The following ELOC variants were observed in gnomAD, a reference collection of about 807,000 sequenced individuals.
The protein encoded by ELOC is elongin C, also known as elongin-C.
For missense variants in ELOC, 38 were observed against 139.0 expected (o/e 0.27, Z 3.65); for synonymous variants, 40 against 51.3 (o/e 0.78, Z 0.94).
chr8:73,959,968 CT>C (rs1432100199), intron 1 of ELOC, 150 bp from the exon 2 acceptor site: 5 of 416,716 alleles, frequency 1.2e-5, no homozygotes, highest in African/African-American at 1.0e-4. Context: ...AAACACTGTA[CT>C]TTTATAAAAT....
At chr8:73,958,336 CTTATG>C (rs1451048355) in intron 2 of ELOC, among the ~76,000 whole-genome samples, 2 of 152,044 alleles carry the variant, frequency 1.3e-5, no homozygotes, top group Non-Finnish European at 2.9e-5. Context: ...ATGTCATCAT[CTTATG>C]TTATGTAATA....
intron 3 of ELOC, among the ~76,000 whole-genome samples, chr8:73,951,101 T>C (rs1813726531): frequency 6.6e-6 from 1 of 151,836 alleles, no homozygotes; most frequent in South Asian, 2.1e-4. Flanking sequence ...TGAAACCCCA[T>C]CTCTACTAAA....
At chr8:73,949,338 T>G (rs1442371805) in intron 3 of ELOC, among the ~76,000 whole-genome samples, 3 of 152,226 alleles carry the variant, frequency 2.0e-5, no homozygotes, top group Non-Finnish European at 4.4e-5. Flanking sequence ...CTGAAAATAT[T>G]GCCTATAGGC....
chr8:73,958,718 A>G (rs1814379555), intron 2 of ELOC, among the ~76,000 whole-genome samples: 1 of 152,360 alleles, frequency 6.6e-6, no homozygotes, highest in East Asian at 1.9e-4. Flanking sequence ...GGAGAGTTTC[A>G]AATTTCTTAA....
intron 3 of ELOC, among the ~76,000 whole-genome samples, chr8:73,955,033 CG>C (rs1210511376): frequency 6.8e-4 from 48 of 71,024 alleles, no homozygotes; most frequent in African/African-American, 2.5e-3. Context: ...GACTCCATCT[CG>C]GAAAAAAAAA....
chr8:73,972,045 G>A (rs1328333669), intron 1 of ELOC, 32 bp downstream of exon 1: 2 of 152,400 alleles, frequency 1.3e-5, no homozygotes, highest in Non-Finnish European at 2.9e-5. Flanking sequence ...CCCTTACCCG[G>A]AGCTCCGTTT....
chr8:73,966,810 A>G (rs1296755040), intron 1 of ELOC, among the ~76,000 whole-genome samples: 1 of 152,014 alleles, frequency 6.6e-6, no homozygotes, highest in Non-Finnish European at 1.5e-5. Context: ...ATAATAGTAA[A>G]CAACACTACA....
chr8:73,951,706 C>T (rs1327600984), intron 3 of ELOC, among the ~76,000 whole-genome samples: 2 of 152,038 alleles, frequency 1.3e-5, no homozygotes, highest in Non-Finnish European at 2.9e-5. Context: ...CCAGAAAGAG[C>T]TGCAAGGGAT....
At chr8:73,962,450 T>C (rs959237035) in intron 1 of ELOC, among the ~76,000 whole-genome samples, 3 of 152,152 alleles carry the variant, frequency 2.0e-5, no homozygotes, top group South Asian at 2.1e-4. Context: ...AATCCTCAAA[T>C]AGTTCTCTAA....
intron 1 of ELOC, among the ~76,000 whole-genome samples, chr8:73,970,209 T>A (rs1397057837): frequency 6.6e-6 from 1 of 152,158 alleles, no homozygotes; most frequent in Non-Finnish European, 1.5e-5. Flanking sequence ...GCTACTGCAC[T>A]CCAGCCTGGG....
intron 3 of ELOC, among the ~76,000 whole-genome samples, chr8:73,950,668 TA>T (rs1399877738): frequency 6.6e-6 from 1 of 152,212 alleles, no homozygotes; most frequent in East Asian, 1.9e-4. Context: ...TTGACACTGC[TA>T]AAAGACATGA....
chr8:73,947,617 A>C (rs565044835), intron 3 of ELOC, among the ~76,000 whole-genome samples: 1 of 152,086 alleles, frequency 6.6e-6, no homozygotes, highest in East Asian at 2.0e-4. Context: ...TCTGTTGCCC[A>C]GGCTGGAGTG....
At chr8:73,958,793 C>T (rs184997563) in intron 2 of ELOC, among the ~76,000 whole-genome samples, 22 of 152,208 alleles carry the variant, frequency 1.4e-4, no homozygotes, top group Admixed American at 1.2e-3. Flanking sequence ...ATCTGCCTGT[C>T]GGGAATATAT....
intron 3 of ELOC, chr8:73,955,467 G>A (rs1381500393): frequency 1.3e-5 from 2 of 157,344 alleles, no homozygotes; most frequent in Non-Finnish European, 2.8e-5. Context: ...TTAGCCAGGC[G>A]TGGTGGCAGG....
intron 1 of ELOC, among the ~76,000 whole-genome samples, chr8:73,965,350 T>C (rs1326737443): frequency 6.6e-6 from 1 of 152,176 alleles, no homozygotes; most frequent in African/African-American, 2.4e-5. Context: ...GGAGAGGATG[T>C]GGAGCAAATG....
intron 3 of ELOC, among the ~76,000 whole-genome samples, chr8:73,947,203 G>C (rs1243128429): frequency 6.6e-6 from 1 of 152,116 alleles, no homozygotes; most frequent in Admixed American, 6.6e-5. Context: ...TGGTCAGGCT[G>C]GTCTCAAACT....
At chr8:73,966,782 G>T (rs771407634) in intron 1 of ELOC, among the ~76,000 whole-genome samples, 10 of 151,872 alleles carry the variant, frequency 6.6e-5, no homozygotes, top group Non-Finnish European at 8.8e-5. Context: ...CCCAAGACAT[G>T]GGTCTTGAAT....
At position 73,958,600 on chromosome 8, in the gene ELOC, A is replaced by G. The variant is rs138330124; in HGVS notation, c.4+1165T>C. On this transcript the variant is annotated intron_variant, in intron 2 of 3. Transcript: ENST00000520242. Reference sequence around the variant, plus strand: ...TAAATTACAGACTATTCAAGCATATAGATTTTTAGCAGTTTTTGCCAACCT... The same window carrying G: ...TAAATTACAGACTATTCAAGCATATGGATTTTTAGCAGTTTTTGCCAACCT... 8.0e-4 allele frequency among the ~76,000 whole-genome samples: 122 copies of G among 152,372 alleles called. 3 individuals carry two copies. In the East Asian group the frequency reaches 0.021, roughly 26 times the overall value.
intron 1 of ELOC, among the ~76,000 whole-genome samples, chr8:73,971,195 CAG>C (rs1266911688): frequency 1.3e-5 from 2 of 152,134 alleles, no homozygotes; most frequent in Non-Finnish European, 2.9e-5. Flanking sequence ...CACTTGAGGT[CAG>C]GAGTTCCAGA....
Sources: allele counts gnomAD v4.1 joint callset (sites outside exome capture counted in the v4.1 genomes callset), GRCh38; gene constraint gnomAD v4.1.1; transcripts MANE v1.5; gene names NCBI Gene and HGNC (gene_info 2026-07-23, HGNC 2026-07-21).